Variants in ROBO1 observed in about 807,000 individuals in gnomAD.
The protein encoded by ROBO1 is roundabout guidance receptor 1.
In ROBO1, 149 loss-of-function variants were observed where a neutral mutation model predicts 195.9. The observed-to-expected ratio is 0.76, with a 90% CI of 0.67 to 0.87. ROBO1 has a LOEUF of 0.87. Among genes scored for constraint, ROBO1 ranks in the 40% least tolerant of loss-of-function variants. The probability of loss-of-function intolerance (pLI) is 0.00; values close to 1 mark genes in which losing one functional copy is unlikely to be tolerated. For missense variants in ROBO1, 1,933 were observed against 2,068.3 expected (o/e 0.93, Z 1.27); for synonymous variants, 816 against 733.2 (o/e 1.11, Z -1.82).
intron 4 of ROBO1, among the ~76,000 whole-genome samples, chr3:78,833,199 G>A (rs2032388259): frequency 2.6e-5 from 4 of 151,856 alleles, no homozygotes; most frequent in South Asian, 4.2e-4. Context: ...CTCAATGCAC[G>A]GCAATGAAAA....
At chr3:79,173,629 C>T (rs930514552) in intron 2 of ROBO1, among the ~76,000 whole-genome samples, 1 of 152,118 alleles carries the variant, frequency 6.6e-6, no homozygotes, top group Admixed American at 6.5e-5. Context: ...TCCGGCTCAG[C>T]CCGAGCCTCC....
chr3:79,723,678 A>G (rs1702794003), intron 1 of ROBO1, among the ~76,000 whole-genome samples: 1 of 152,192 alleles, frequency 6.6e-6, no homozygotes, highest in Non-Finnish European at 1.5e-5. Flanking sequence ...GGTCAAAGTA[A>G]TATTAAGAGT....
chr3:79,680,392 C>T (rs1225999930), intron 1 of ROBO1, among the ~76,000 whole-genome samples: 2 of 152,004 alleles, frequency 1.3e-5, no homozygotes, highest in African/African-American at 4.8e-5. Context: ...CTTACTCATA[C>T]TTGCTAATGA....
chr3:79,062,999 G>A (rs1002472527), intron 3 of ROBO1, among the ~76,000 whole-genome samples: 6 of 151,286 alleles, frequency 4.0e-5, no homozygotes, highest in Admixed American at 1.3e-4. Context: ...AAAAGAAGAA[G>A]AAAAAAAATG....
At chr3:79,214,587 C>G (rs1402071534) in intron 2 of ROBO1, among the ~76,000 whole-genome samples, 1 of 151,822 alleles carries the variant, frequency 6.6e-6, no homozygotes, top group Non-Finnish European at 1.5e-5. Flanking sequence ...TGTGCTCAAC[C>G]AATGTTAACT....
chr3:79,584,585 G>T (rs569081298), intron 2 of ROBO1, among the ~76,000 whole-genome samples: 1 of 150,140 alleles, frequency 6.7e-6, no homozygotes, highest in Admixed American at 6.7e-5. Flanking sequence ...TGTAACAAGA[G>T]ACCTCCATGA....
chr3:79,008,534 A>G (rs1161597973), intron 3 of ROBO1, among the ~76,000 whole-genome samples: 2 of 151,854 alleles, frequency 1.3e-5, no homozygotes, highest in Non-Finnish European at 2.9e-5. Context: ...TATATATAGT[A>G]TACATACAAA....
At chr3:79,145,202 A>G (rs979220661) in intron 2 of ROBO1, among the ~76,000 whole-genome samples, 1 of 151,984 alleles carries the variant, frequency 6.6e-6, no homozygotes, top group East Asian at 1.9e-4. Flanking sequence ...GGAGAATAAT[A>G]AAACCTCAGG....
chr3:79,405,267 T>C (rs577653491), intron 2 of ROBO1, among the ~76,000 whole-genome samples: 1 of 152,322 alleles, frequency 6.6e-6, no homozygotes, highest in African/African-American at 2.4e-5. Flanking sequence ...CTATGAACTT[T>C]TCTAAAGCAA....
chr3:79,407,905 T>C (rs1164875089), intron 2 of ROBO1, among the ~76,000 whole-genome samples: 1 of 152,196 alleles, frequency 6.6e-6, no homozygotes, highest in Non-Finnish European at 1.5e-5. Flanking sequence ...CTAAGTCTTA[T>C]TTTCCTTGCC....
At chr3:79,728,305 T>C (rs1703007696) in intron 1 of ROBO1, among the ~76,000 whole-genome samples, 1 of 152,028 alleles carries the variant, frequency 6.6e-6, no homozygotes, top group Admixed American at 6.6e-5. Flanking sequence ...GCTGAAAAAA[T>C]CTCAGATTTC....
At chr3:79,172,824 C>A (rs1026720974) in intron 2 of ROBO1, among the ~76,000 whole-genome samples, 1 of 152,038 alleles carries the variant, frequency 6.6e-6, no homozygotes, top group African/African-American at 2.4e-5. Flanking sequence ...GTTTAGAATA[C>A]CTTTATACCC....
chr3:79,076,043 A>G lies in ROBO1; in HGVS notation c.172+49413T>C, dbSNP rs146490859. ...CTATTTATGTGGATGTGAGCAAGTA[A>G]TATAATCCCTTTATGCCTTAGTTTT... On this transcript the variant is annotated intron_variant, in intron 3 of 30. Coordinates refer to ENST00000464233, the MANE Select transcript of ROBO1 (RefSeq NM_002941.4). 8.6e-3 allele frequency among the ~76,000 whole-genome samples: 1,309 copies of G among 151,418 alleles called. 26 individuals carry two copies. Among genetic ancestry groups the G allele is most frequent in the African/African-American group, 0.029 (1,196 of 41,422 alleles).
chr3:79,372,819 A>G (rs2036247878), intron 2 of ROBO1, among the ~76,000 whole-genome samples: 1 of 152,180 alleles, frequency 6.6e-6, no homozygotes, highest in South Asian at 2.1e-4. Context: ...TATAACATGT[A>G]AAACATAGTC....
At chr3:79,285,519 A>G (rs541538595) in intron 2 of ROBO1, among the ~76,000 whole-genome samples, 2 of 152,330 alleles carry the variant, frequency 1.3e-5, no homozygotes, top group East Asian at 3.9e-4. Context: ...CGTCATGGTC[A>G]TGCCTTGCCT....
chr3:78,678,802 G>A (rs936456610), intron 10 of ROBO1, among the ~76,000 whole-genome samples: 2 of 152,074 alleles, frequency 1.3e-5, no homozygotes, highest in Admixed American at 6.6e-5. Context: ...AGAAAGAGAG[G>A]GAATCCTCCC....
intron 3 of ROBO1, among the ~76,000 whole-genome samples, chr3:78,978,610 T>C (rs886838492): frequency 6.6e-6 from 1 of 152,130 alleles, no homozygotes; most frequent in African/African-American, 2.4e-5. Flanking sequence ...TAATGTCCCA[T>C]ACTAGTTAGC....
At chr3:78,897,628 T>TTTTTC (rs2037316480) in intron 4 of ROBO1, among the ~76,000 whole-genome samples, 1 of 152,000 alleles carries the variant, frequency 6.6e-6, no homozygotes, top group Non-Finnish European at 1.5e-5. Flanking sequence ...CTATCAGCCC[T>TTTTTC]TTTTATTTAT....
chr3:79,091,142 C>A (rs1326676542), intron 3 of ROBO1, among the ~76,000 whole-genome samples: 1 of 152,016 alleles, frequency 6.6e-6, no homozygotes, highest in Admixed American at 6.6e-5. Context: ...AGTAACATAA[C>A]CCCCAACAAA....
Sources: gnomAD v4.1 joint callset for allele counts (sites outside exome capture counted in the v4.1 genomes callset) on GRCh38, gnomAD v4.1.1 for gene constraint, MANE v1.5 for transcripts, NCBI Gene and HGNC (gene_info 2026-07-23, HGNC 2026-07-21) for gene names.